Variants in UBR3 observed in about 807,000 individuals in gnomAD.
UBR3 encodes ubiquitin protein ligase E3 component n-recognin 3.
In UBR3, 85 loss-of-function variants were observed where a neutral mutation model predicts 243.2. The observed-to-expected ratio is 0.35, with a 90% CI of 0.29 to 0.42. UBR3 has a LOEUF of 0.42. UBR3 is among the 10% of genes least tolerant of loss of function. The probability of loss-of-function intolerance (pLI) is 1.00; values close to 1 mark genes in which losing one functional copy is unlikely to be tolerated. For missense variants in UBR3, 1,686 were observed against 2,300.8 expected (o/e 0.73, Z 5.47); for synonymous variants, 748 against 799.8 (o/e 0.94, Z 1.09).
intron 27 of UBR3, among the ~76,000 whole-genome samples, chr2:170,003,798 G>A (rs929175628): frequency 1.7e-4 from 26 of 152,068 alleles, no homozygotes; most frequent in Non-Finnish European, 3.1e-4. Flanking sequence ...CCGCCACCAC[G>A]CCCGGCTAAT....
chr2:170,022,804 A>G (rs1438227565), intron 30 of UBR3, among the ~76,000 whole-genome samples: 4 of 152,084 alleles, frequency 2.6e-5, no homozygotes, highest in African/African-American at 7.2e-5. Context: ...GTGCTTAGGA[A>G]TGGGATAGGG....
At chr2:169,966,369 T>C (rs957525925) in intron 24 of UBR3, among the ~76,000 whole-genome samples, 1 of 152,178 alleles carries the variant, frequency 6.6e-6, no homozygotes, top group Non-Finnish European at 1.5e-5. Context: ...ATTAAACATA[T>C]TACATTTTAA....
chr2:169,956,659 T>G (rs914185131), intron 23 of UBR3, among the ~76,000 whole-genome samples: 1 of 152,184 alleles, frequency 6.6e-6, no homozygotes, highest in Non-Finnish European at 1.5e-5. Flanking sequence ...TGAATATTAT[T>G]GGCAAAAATA....
At chr2:169,942,896 A>G (rs2086644956) in intron 20 of UBR3, among the ~76,000 whole-genome samples, 1 of 152,236 alleles carries the variant, frequency 6.6e-6, no homozygotes, top group African/African-American at 2.4e-5. Context: ...GTAGAACAGT[A>G]AGTGAAATAC....
intron 25 of UBR3, among the ~76,000 whole-genome samples, chr2:169,991,280 A>AC (rs2089263149): frequency 6.6e-6 from 1 of 152,198 alleles, no homozygotes; most frequent in Admixed American, 6.5e-5. Flanking sequence ...GAACAACTAG[A>AC]CAGAAGATCA....
chr2:169,987,392 C>CAAA (rs563664122), intron 25 of UBR3, among the ~76,000 whole-genome samples: 3 of 65,978 alleles, frequency 4.5e-5, no homozygotes, highest in African/African-American at 1.5e-4. Context: ...GACTCTGTCT[C>CAAA]AAAAAAAAAA....
chr2:169,907,335 C>G (rs2085056385), intron 10 of UBR3, among the ~76,000 whole-genome samples: 1 of 152,134 alleles, frequency 6.6e-6, no homozygotes, highest in Non-Finnish European at 1.5e-5. Context: ...CTTTTAAAAA[C>G]TATCTGTCCA....
At chr2:169,959,447 GTGGAAAGT>G (rs2087465314) in intron 24 of UBR3, among the ~76,000 whole-genome samples, 1 of 151,734 alleles carries the variant, frequency 6.6e-6, no homozygotes, top group Non-Finnish European at 1.5e-5. Flanking sequence ...CATGCCACAA[GTGGAAAGT>G]TTTTAACTTA....
chr2:169,843,853 G>A (rs72881273), intron 1 of UBR3, among the ~76,000 whole-genome samples: 5,743 of 152,208 alleles, frequency 0.038, 201 homozygotes, highest in Admixed American at 0.11. Context: ...AAGAGTTTGT[G>A]TAGAATATGA....
intron 27 of UBR3, among the ~76,000 whole-genome samples, chr2:170,006,085 A>G (rs13001498): frequency 0.44 from 66,702 of 151,956 alleles, 15,778 homozygotes; most frequent in Non-Finnish European, 0.54. Flanking sequence ...GCTGTCAAGA[A>G]GCTTATCACA....
intron 24 of UBR3, among the ~76,000 whole-genome samples, chr2:169,969,279 T>C (rs552878456): frequency 1.3e-5 from 2 of 152,328 alleles, no homozygotes; most frequent in East Asian, 3.9e-4. Context: ...ACCAACGCTT[T>C]AAGCATTTCC....
chr2:170,012,481 A>G (rs1222806489), intron 29 of UBR3, among the ~76,000 whole-genome samples: 2 of 152,218 alleles, frequency 1.3e-5, no homozygotes, highest in African/African-American at 2.4e-5. Flanking sequence ...ATCAATCTAT[A>G]TAACAGAATA....
intron 24 of UBR3, among the ~76,000 whole-genome samples, chr2:169,981,234 A>G (rs1244037667): frequency 6.6e-6 from 1 of 152,122 alleles, no homozygotes; most frequent in African/African-American, 2.4e-5. Context: ...TGTGAGCTGC[A>G]TGTAATGGCT....
At chr2:170,061,232 T>A (rs2091450382) in intron 34 of UBR3, 46 bp downstream of exon 34, 2 of 1,580,454 alleles carry the variant, frequency 1.3e-6, no homozygotes, top group South Asian at 2.3e-5. Flanking sequence ...TAGTAAAAAA[T>A]TTACATTTTC....
chr2:169,928,313 T>G (rs2085984987), intron 17 of UBR3, among the ~76,000 whole-genome samples: 1 of 152,178 alleles, frequency 6.6e-6, no homozygotes, highest in African/African-American at 2.4e-5. Context: ...GATGAAATTT[T>G]GTGTTTTTGG....
At chr2:170,041,935 A>G (rs2090977199) in intron 32 of UBR3, among the ~76,000 whole-genome samples, 1 of 152,202 alleles carries the variant, frequency 6.6e-6, no homozygotes, top group East Asian at 1.9e-4. Context: ...GCTTCAATTA[A>G]TATTTTTTAA....
rs147560678 is a variant in UBR3 at position 170,078,647 on chromosome 2, T to C, written c.5200-1167T>C. Among the ~76,000 whole-genome samples, 450 of 152,334 alleles carry C rather than the reference T, an allele frequency of 3.0e-3. 3 individuals carry two copies. Among genetic ancestry groups the C allele is most frequent in the African/African-American group, 0.01 (424 of 41,572 alleles). On this transcript the variant is annotated intron_variant, in intron 36 of 38. Coordinates refer to ENST00000272793, the MANE Select transcript of UBR3 (RefSeq NM_172070.4). ...TTCATGATTTAAAATACCACAGCTTTTTTCAGATGATTGAATATATGTTAA... is the reference window on the plus strand; with the variant it reads ...TTCATGATTTAAAATACCACAGCTTCTTTCAGATGATTGAATATATGTTAA...
intron 30 of UBR3, among the ~76,000 whole-genome samples, chr2:170,023,894 G>A (rs1464012129): frequency 6.6e-6 from 1 of 151,446 alleles, no homozygotes; most frequent in Non-Finnish European, 1.5e-5. Context: ...GTATTTTTTA[G>A]TAGAGAAAAG....
chr2:169,853,124 G>C (rs2082721590), intron 1 of UBR3, among the ~76,000 whole-genome samples: 1 of 152,174 alleles, frequency 6.6e-6, no homozygotes, highest in Non-Finnish European at 1.5e-5. Flanking sequence ...TTGAATTCCA[G>C]TTTGAAAGGT....
Sources: gnomAD v4.1 joint callset for allele counts (sites outside exome capture counted in the v4.1 genomes callset) on GRCh38, gnomAD v4.1.1 for gene constraint, MANE v1.5 for transcripts, NCBI Gene and HGNC (gene_info 2026-07-23, HGNC 2026-07-21) for gene names.